The following CHST15 variants were observed in gnomAD, a reference collection of about 807,000 sequenced individuals.
CHST15 encodes the protein carbohydrate sulfotransferase 15, also known as B cell RAG associated protein (GALNAC4S-6ST).
Under a neutral mutation model 53.6 loss-of-function variants are expected in CHST15, and 30 were observed. The observed-to-expected ratio is 0.56, with a 90% confidence interval of 0.42 to 0.76. The LOEUF (loss-of-function observed/expected upper bound fraction) is 0.76. Among genes scored for constraint, CHST15 ranks in the 30% least tolerant of loss-of-function variants. CHST15 has a pLI of 0.00. For missense variants in CHST15, 627 were observed against 740.5 expected (o/e 0.85, Z 1.78); for synonymous variants, 296 against 289.8 (o/e 1.02, Z -0.22).
Position 124,017,891 on chromosome 10 carries a change from C to T in CHST15, c.1347+3365G>A, listed in dbSNP as rs76282970. On this transcript the variant is annotated intron_variant, in intron 6 of 7. Coordinates refer to ENST00000435907, the MANE Select transcript of CHST15 (RefSeq NM_001270764.2). Reference sequence around the variant, plus strand: ...CCATCCGTACTCTGACCAGCACACACAGCCTCCTCGGCAGGCTCCACCTGG... The same window carrying T: ...CCATCCGTACTCTGACCAGCACACATAGCCTCCTCGGCAGGCTCCACCTGG... 2.7e-3 allele frequency among the ~76,000 whole-genome samples: 418 copies of T among 152,358 alleles called. 3 individuals carry two copies. Among genetic ancestry groups the T allele is most frequent in the East Asian group, 8.3e-3 (43 of 5,186 alleles).
chr10:124,061,888 A>G (rs1948585491), intron 1 of CHST15, among the ~76,000 whole-genome samples: 1 of 152,058 alleles, frequency 6.6e-6, no homozygotes, highest in South Asian at 2.1e-4. Context: ...GGCAAGGCAG[A>G]GGTGGGCTAA....
chr10:124,021,271 G>C lies in CHST15; in HGVS notation c.1332C>G (p.Leu444=). ...SLRACVYNNT[L]NNAMPVRLQV... The stretch of plus-strand genomic sequence containing the variant: ...GGGTACACACAGGCATGGCGTTGTT[G>C]AGGGTGTTGTTGTAGACGCAGGCGC... Residue 444 remains leucine (L), a synonymous_variant, in exon 6 of 8, where the codon CTC becomes CTG. Transcript: ENST00000435907. 6.2e-7 allele frequency: 1 copy of C among 1,606,096 alleles called. No homozygotes were observed. The highest frequency in any genetic ancestry group is 8.5e-7 in the Non-Finnish European group (1 of 1,175,334).
In CHST15 at chr10:124,044,835, C is replaced by G. The variant is rs748985634; in HGVS notation, c.631G>C (p.Asp211His). Residue 211 changes from aspartate (D) to histidine (H), a missense_variant, in exon 3 of 8, where the codon GAC (aspartate) becomes CAC (histidine). Coordinates refer to ENST00000435907, the MANE Select transcript of CHST15 (RefSeq NM_001270764.2). Reference protein sequence around the residue: ...YEEFSGQNTTDPYLTNSYVLY... With the variant: ...YEEFSGQNTTHPYLTNSYVLY... ...ACGTAGGAGTTGGTGAGGTAGGGGT[C>G]GGTGGTGTTCTGCCCCGAGAACTCC... 4.5e-6 allele frequency: 7 copies of G among 1,548,526 alleles called. No individual in the cohort carries two copies. The highest frequency in any genetic ancestry group is 6.1e-6 in the Non-Finnish European group (7 of 1,144,490).
At chr10:124,067,060 CTGAGT>C (rs1266171899) in intron 1 of CHST15, among the ~76,000 whole-genome samples, 1 of 152,258 alleles carries the variant, frequency 6.6e-6, no homozygotes, top group African/African-American at 2.4e-5. Flanking sequence ...GCAGCCCCAT[CTGAGT>C]GACAAGACAG....
intron 6 of CHST15, chr10:124,020,965 T>G: frequency 7.2e-7 from 1 of 1,395,516 alleles, no homozygotes; most frequent in Non-Finnish European, 9.3e-7. Flanking sequence ...TTCTAATTGC[T>G]GGGTGTCTTG....
chr10:124,063,473 C>T (rs1948657666), intron 1 of CHST15, among the ~76,000 whole-genome samples: 1 of 152,200 alleles, frequency 6.6e-6, no homozygotes, highest in African/African-American at 2.4e-5. Flanking sequence ...TAACTCCACT[C>T]AGATCTAGAA....
chr10:124,087,042 G>A (rs574330689), intron 1 of CHST15, among the ~76,000 whole-genome samples: 7 of 152,324 alleles, frequency 4.6e-5, no homozygotes, highest in African/African-American at 1.7e-4. Context: ...AGGTACAGGT[G>A]AACTTACCGC....
intron 6 of CHST15, among the ~76,000 whole-genome samples, chr10:124,015,404 G>C (rs539921700): frequency 2.3e-4 from 35 of 151,368 alleles, no homozygotes; most frequent in African/African-American, 5.1e-4. Context: ...GGGCGGGGGG[G>C]GCTACTCAGG....
chr10:124,019,919 GC>G lies in CHST15; in HGVS notation c.1347+1336del, dbSNP rs1319733533. The G allele has an allele frequency of 3.1e-5, 31 of 985,832 alleles. No individual in the cohort carries two copies. The highest frequency in any genetic ancestry group is 3.6e-5 in the Non-Finnish European group (30 of 830,358). The allele number at this position is 985,832 out of a possible 1,614,324, so 61.1% of individuals were successfully genotyped here. ...TATGGTAGGTGGTGCTGACCACTGG[GC>G]CTCTGCACACGCTGCTCTCAGTTCC... On this transcript the variant is annotated intron_variant, in intron 6 of 7. Coordinates refer to ENST00000435907, the MANE Select transcript of CHST15 (RefSeq NM_001270764.2). This position sits in a 1 kb window ranked among gnomAD's most constrained non-coding sequence, Gnocchi z 4.6.
Position 124,012,460 on chromosome 10 carries a change from G to A in CHST15, c.1368C>T (p.Leu456=), listed in dbSNP as rs1483016693. The A allele has an allele frequency of 3.7e-6, 6 of 1,613,728 alleles. No homozygotes were observed. In the South Asian group the frequency reaches 5.5e-5, roughly 15 times the overall value. The change falls in exon 7 of 8, where the codon CTC becomes CTT. Residue 456 remains leucine (L), a synonymous_variant. Coordinates refer to ENST00000435907, the MANE Select transcript of CHST15 (RefSeq NM_001270764.2). ...NAMPVRLQVG[L]YAVYLLDWLS... is the part of the protein sequence containing the mutation. ...GCCAGTCCAGAAGGTACACAGCATA[G>A]AGCCCAACCTGGAGCCTCACCTAGG...
chr10:124,086,435 A>G (rs926671875), intron 1 of CHST15, among the ~76,000 whole-genome samples: 1 of 152,288 alleles, frequency 6.6e-6, no homozygotes, highest in Admixed American at 6.5e-5. Context: ...TCCCAGGAAT[A>G]TGGAAGGAGG....
At chr10:124,082,661 C>T (rs1268050699) in intron 1 of CHST15, among the ~76,000 whole-genome samples, 1 of 152,186 alleles carries the variant, frequency 6.6e-6, no homozygotes, top group East Asian at 1.9e-4. Flanking sequence ...AGGTGGAGAC[C>T]ACCCAAATGT....
intron 6 of CHST15, among the ~76,000 whole-genome samples, chr10:124,017,163 T>C (rs1009757306): frequency 6.6e-6 from 1 of 152,312 alleles, no homozygotes; most frequent in African/African-American, 2.4e-5. Flanking sequence ...TAAAATAAAC[T>C]GTGCCTTGGG....
rs1320875712 is a variant in CHST15 at position 124,008,862 on chromosome 10, C to T, written c.*1287G>A. 3 of 1,270,904 alleles carry T rather than the reference C, an allele frequency of 2.4e-6. No individual in the cohort carries two copies. In the East Asian group the frequency reaches 1.7e-4, roughly 72 times the overall value. 78.7% of individuals were successfully genotyped at this position (1,270,904 alleles called of 1,614,324 possible). ...GCTCAAGCGTTCTCTTCAATCTTCC[C>T]TGTGACTTCCAAGAAACGACAAGAT... On this transcript the variant is annotated 3_prime_UTR_variant, in exon 8 of 8. Coordinates refer to ENST00000435907, the MANE Select transcript of CHST15 (RefSeq NM_001270764.2).
At chr10:124,083,025 G>A (rs545071098) in intron 1 of CHST15, among the ~76,000 whole-genome samples, 6 of 152,294 alleles carry the variant, frequency 3.9e-5, no homozygotes, top group South Asian at 2.1e-4. Context: ...GTGGTTGCAC[G>A]TATCTGTCAA....
At chr10:124,086,167 T>C (rs1393581977) in intron 1 of CHST15, among the ~76,000 whole-genome samples, 1 of 152,174 alleles carries the variant, frequency 6.6e-6, no homozygotes, top group Admixed American at 6.5e-5. Context: ...AGGAAAGAGA[T>C]GTTCTTGAAT....
At position 124,036,586 on chromosome 10, in the gene CHST15, T is replaced by A. The variant is rs2133952188; in HGVS notation, c.1190+1929A>T. On this transcript the variant is annotated intron_variant, in intron 5 of 7. Transcript: ENST00000435907. This position sits in a 1 kb window ranked among gnomAD's most constrained non-coding sequence, Gnocchi z 5.1. Reference sequence around the variant, plus strand: ...GCTCAGAAGTGTGACCAGAGCAGACTTTAAAGCATGTTTCTGGGGGGCAAC... The same window carrying A: ...GCTCAGAAGTGTGACCAGAGCAGACATTAAAGCATGTTTCTGGGGGGCAAC... Among the ~76,000 whole-genome samples, 1 of 152,124 alleles carries A rather than the reference T, an allele frequency of 6.6e-6. No individual in the cohort carries two copies. The highest frequency in any genetic ancestry group is 2.4e-5 in the African/African-American group (1 of 41,490).
chr10:124,056,600 CG>C (rs1326422563), intron 1 of CHST15, among the ~76,000 whole-genome samples: 3 of 152,138 alleles, frequency 2.0e-5, no homozygotes, highest in Non-Finnish European at 4.4e-5. Context: ...GAAGGAGAGG[CG>C]GGGCTGTCCC....
chr10:124,023,260 G>A (rs1946860913), intron 5 of CHST15, among the ~76,000 whole-genome samples: 1 of 152,016 alleles, frequency 6.6e-6, no homozygotes, highest in Non-Finnish European at 1.5e-5. Flanking sequence ...CGAGGTGGGA[G>A]GATCACTTGA....
Sources: allele counts gnomAD v4.1 joint callset (sites outside exome capture counted in the v4.1 genomes callset), GRCh38; gene constraint gnomAD v4.1.1; non-coding constraint Gnocchi (gnomAD v3.1); transcripts MANE v1.5; gene names NCBI Gene and HGNC (gene_info 2026-07-23, HGNC 2026-07-21).